The following NCAM2 variants were observed in gnomAD, a reference collection of about 807,000 sequenced individuals.
The protein encoded by NCAM2 is neural cell adhesion molecule 2.
NCAM2 carries 30 observed loss-of-function variants against 98.1 expected under a neutral mutation model. The ratio of observed to expected loss-of-function variants is 0.31; its 90% CI spans 0.23 to 0.41. The LOEUF (loss-of-function observed/expected upper bound fraction) is 0.41, where lower values mean the gene tolerates loss of function less well. NCAM2 is among the 10% of genes least tolerant of loss of function. The pLI, the probability that NCAM2 is intolerant of heterozygous loss-of-function variation, is 1.00. For synonymous variants in NCAM2, 368 were observed against 342.4 expected (o/e 1.07, Z -0.83); for missense variants, 867 against 1,005.8 (o/e 0.86, Z 1.87).
In NCAM2 at chr21:21,381,514, T is replaced by G. The variant is rs2076153678; in HGVS notation, c.1195+7501T>G. Among the ~76,000 whole-genome samples, 3 of 152,220 alleles carry G rather than the reference T, an allele frequency of 2.0e-5. No homozygotes were observed. In the South Asian group the frequency reaches 6.2e-4, roughly 31 times the overall value. On this transcript the variant is annotated intron_variant, in intron 9 of 17. Transcript: ENST00000400546. ...TTTTTGGTTTTTGTTTTGTTTCATT[T>G]TGTTTTGTTTTAAGCGATTCTATAG...
At chr21:21,068,458 A>AATT (rs2065488966) in intron 1 of NCAM2, among the ~76,000 whole-genome samples, 1 of 112,460 alleles carries the variant, frequency 8.9e-6, no homozygotes, top group African/African-American at 3.4e-5. Context: ...ATGGTATTGC[A>AATT]TTTTTTTTTT....
intron 8 of NCAM2, among the ~76,000 whole-genome samples, chr21:21,358,827 G>A (rs780355600): frequency 4.0e-5 from 6 of 151,678 alleles, no homozygotes; most frequent in East Asian, 1.9e-4. Flanking sequence ...CAGTTGGCTC[G>A]GTAAATATTA....
intron 1 of NCAM2, among the ~76,000 whole-genome samples, chr21:21,155,654 C>A (rs1032476759): frequency 1.3e-5 from 2 of 151,702 alleles, no homozygotes; most frequent in Admixed American, 6.6e-5. Context: ...AAAATAATAT[C>A]TTTAAATTGA....
At chr21:21,470,526 C>A (rs1196752972) in intron 14 of NCAM2, among the ~76,000 whole-genome samples, 1 of 152,028 alleles carries the variant, frequency 6.6e-6, no homozygotes, top group African/African-American at 2.4e-5. Context: ...AAAGTTTAAA[C>A]AAGAACAAAT....
intron 1 of NCAM2, among the ~76,000 whole-genome samples, chr21:21,122,691 C>T (rs561946740): frequency 1.3e-5 from 2 of 152,256 alleles, no homozygotes; most frequent in East Asian, 1.9e-4. Context: ...CGTCTTTCAC[C>T]AAGGTAGCCC....
At chr21:21,411,116 A>ATATATACACACATATATGTATG in intron 10 of NCAM2, among the ~76,000 whole-genome samples, 1 of 76,716 alleles carries the variant, frequency 1.3e-5, no homozygotes, top group African/African-American at 4.2e-5. Flanking sequence ...ATATATGTAT[A>ATATATACACACATATATGTATG]TATATATACA....
intron 5 of NCAM2, among the ~76,000 whole-genome samples, chr21:21,295,230 T>C (rs1214154406): frequency 9.5e-5 from 11 of 116,046 alleles, no homozygotes; most frequent in Non-Finnish European, 5.3e-5. Flanking sequence ...ATCACATTTC[T>C]ATCCTACCAA....
chr21:21,335,551 A>C lies in NCAM2; in HGVS notation c.784A>C (p.Ser262Arg), dbSNP rs1228923148. ...AAATGAGAAGTACATATTGAAAGGGAGCAATACAGAACTCACTGTCAGGAA... is the reference window on the plus strand; with the variant it reads ...AAATGAGAAGTACATATTGAAAGGGCGCAATACAGAACTCACTGTCAGGAA... ...EENEKYILKG[S>R]NTELTVRNII... The change falls in exon 7 of 18, where the codon AGC (serine) becomes CGC (arginine). Residue 262 changes from serine (S) to arginine (R), a missense_variant. Transcript: ENST00000400546. The C allele has an allele frequency of 1.9e-6, 3 of 1,609,686 alleles. No individual in the cohort carries two copies. In the African/African-American group the frequency reaches 4.0e-5, roughly 22 times the overall value.
intron 1 of NCAM2, among the ~76,000 whole-genome samples, chr21:21,099,293 G>A (rs2066189586): frequency 2.0e-5 from 3 of 151,860 alleles, no homozygotes; most frequent in Admixed American, 6.6e-5. Flanking sequence ...GCTCAGGCAA[G>A]CTACACTAAA....
rs1004427337 is a variant in NCAM2 at position 21,358,542 on chromosome 21, T to C, written c.1045-15321T>C. Among the ~76,000 whole-genome samples the C allele has an allele frequency of 5.9e-4, 89 of 152,080 alleles. 1 individual carries two copies. Among genetic ancestry groups the C allele is most frequent in the South Asian group, 6.2e-4 (3 of 4,826 alleles). On this transcript the variant is annotated intron_variant, in intron 8 of 17. Transcript: ENST00000400546. ...ATGAAACATTTGTTACTTAGAAAAA[T>C]TATTACGGTTTTGATATTAAATACA... is the stretch of plus-strand genomic sequence containing the variant.
At chr21:21,115,179 G>A (rs1261698525) in intron 1 of NCAM2, among the ~76,000 whole-genome samples, 1 of 152,098 alleles carries the variant, frequency 6.6e-6, no homozygotes, top group African/African-American at 2.4e-5. Flanking sequence ...GTCCTGGCTA[G>A]TGAGTCCTTC....
intron 1 of NCAM2, among the ~76,000 whole-genome samples, chr21:21,278,954 T>C (rs946276795): frequency 1.3e-5 from 2 of 152,216 alleles, no homozygotes; most frequent in African/African-American, 4.8e-5. Context: ...CTGTTTCAGC[T>C]GACTCCTGCT....
chr21:21,231,531 C>G (rs1034301978), intron 1 of NCAM2, among the ~76,000 whole-genome samples: 1 of 151,236 alleles, frequency 6.6e-6, no homozygotes, highest in Non-Finnish European at 1.5e-5. Context: ...GCTAATGACT[C>G]TATGTATTAA....
At chr21:21,123,916 G>A (rs1177901649) in intron 1 of NCAM2, among the ~76,000 whole-genome samples, 1 of 122,158 alleles carries the variant, frequency 8.2e-6, no homozygotes, top group African/African-American at 3.1e-5. Flanking sequence ...GCATGATCTT[G>A]GCTCACTGCA....
intron 15 of NCAM2, among the ~76,000 whole-genome samples, chr21:21,505,308 C>A (rs1290061791): frequency 1.3e-5 from 2 of 151,902 alleles, no homozygotes; most frequent in African/African-American, 4.8e-5. Flanking sequence ...GTCTCTATCC[C>A]ACAAGTGATC....
chr21:21,516,708 C>T (rs1988733788), intron 16 of NCAM2, among the ~76,000 whole-genome samples: 1 of 151,956 alleles, frequency 6.6e-6, no homozygotes, highest in Admixed American at 6.6e-5. Flanking sequence ...TTAATCTCTT[C>T]TATTTTTGGC....
At chr21:21,017,113 A>G (rs541830390) in intron 1 of NCAM2, among the ~76,000 whole-genome samples, 1 of 152,250 alleles carries the variant, frequency 6.6e-6, no homozygotes, top group African/African-American at 2.4e-5. Flanking sequence ...TGTTTCTGGA[A>G]GAGGAAGAAT....
At chr21:21,312,375 A>G (rs1386388901) in intron 5 of NCAM2, among the ~76,000 whole-genome samples, 1 of 151,142 alleles carries the variant, frequency 6.6e-6, no homozygotes, top group Admixed American at 6.6e-5. Flanking sequence ...TAATTTAATT[A>G]TCTTCAATTA....
chr21:21,118,919 G>A (rs1342066798), intron 1 of NCAM2, among the ~76,000 whole-genome samples: 1 of 152,078 alleles, frequency 6.6e-6, no homozygotes, highest in Non-Finnish European at 1.5e-5. Flanking sequence ...TTAATGTTAA[G>A]GTTCTTAATT....
Sources: allele counts gnomAD v4.1 joint callset (sites outside exome capture counted in the v4.1 genomes callset), GRCh38; gene constraint gnomAD v4.1.1; transcripts MANE v1.5; gene names NCBI Gene and HGNC (gene_info 2026-07-23, HGNC 2026-07-21).